The following MAST4 variants were observed in gnomAD, a reference collection of about 807,000 sequenced individuals.
MAST4 encodes microtubule-associated serine/threonine-protein kinase 4.
MAST4 carries 89 observed loss-of-function variants against 162.7 expected under a neutral mutation model. The observed-to-expected ratio is 0.55, with a 90% CI of 0.46 to 0.65. The LOEUF is 0.65. Among genes scored for constraint, MAST4 ranks in the 30% least tolerant of loss-of-function variants. The probability of loss-of-function intolerance (pLI) is 0.00; values close to 1 mark genes in which losing one functional copy is unlikely to be tolerated. For missense variants in MAST4, 3,153 were observed against 3,374.0 expected, an observed-to-expected ratio of 0.93 and a Z score of 1.62; for synonymous variants, 1,479 against 1,361.1, an observed-to-expected ratio of 1.09 and a Z score of -1.91.
At chr5:66,919,039 G>A (rs71626474) in intron 4 of MAST4, among the ~76,000 whole-genome samples, 4,896 of 150,754 alleles carry the variant, frequency 0.032, 146 homozygotes, top group African/African-American at 0.075. Context: ...GGAGGCGGAG[G>A]TTGCAGTGAG....
At chr5:66,967,248 C>T (rs1746846863) in intron 4 of MAST4, among the ~76,000 whole-genome samples, 1 of 152,040 alleles carries the variant, frequency 6.6e-6, no homozygotes, top group Non-Finnish European at 1.5e-5. Flanking sequence ...CTAAATATGA[C>T]AATGGAAGAT....
At chr5:66,951,423 T>C (rs997145805) in intron 4 of MAST4, among the ~76,000 whole-genome samples, 3 of 152,150 alleles carry the variant, frequency 2.0e-5, no homozygotes, top group Non-Finnish European at 4.4e-5. Context: ...ATCCCTCTTT[T>C]ATCTTATGGG....
intron 2 of MAST4, 24 bp from the exon 3 acceptor site, chr5:66,788,646 T>G: frequency 8.6e-7 from 1 of 1,167,512 alleles, no homozygotes; most frequent in Non-Finnish European, 1.2e-6. Context: ...GTCACTTACA[T>G]TTTCTTCTCT....
intron 4 of MAST4, among the ~76,000 whole-genome samples, chr5:66,994,046 T>G (rs1388963396): frequency 6.6e-6 from 1 of 151,510 alleles, no homozygotes. Flanking sequence ...TCAACTTTGT[T>G]TCATGGGAGA....
chr5:66,626,267 C>T (rs968878001), intron 1 of MAST4, among the ~76,000 whole-genome samples: 22 of 151,382 alleles, frequency 1.5e-4, no homozygotes, highest in African/African-American at 4.9e-4. Context: ...CATATACACA[C>T]GTGCACAAAT....
chr5:66,615,461 G>A (rs10056138), intron 1 of MAST4, among the ~76,000 whole-genome samples: 14,424 of 152,140 alleles, frequency 0.095, 821 homozygotes, highest in African/African-American at 0.15. Context: ...TGACATCCGA[G>A]GAATAGCTCT....
intron 4 of MAST4, among the ~76,000 whole-genome samples, chr5:67,053,378 G>GA (rs1758417296): frequency 6.6e-6 from 1 of 152,192 alleles, no homozygotes; most frequent in Non-Finnish European, 1.5e-5. Flanking sequence ...TGGTATAACA[G>GA]AGTTCTGTCC....
intron 4 of MAST4, among the ~76,000 whole-genome samples, chr5:67,010,564 C>A (rs1007976121): frequency 3.3e-5 from 5 of 152,104 alleles, no homozygotes; most frequent in African/African-American, 1.2e-4. Flanking sequence ...ACGGGACTTA[C>A]TATTAAGACC....
intron 4 of MAST4, among the ~76,000 whole-genome samples, chr5:67,018,119 A>G (rs1223371422): frequency 6.6e-6 from 1 of 152,208 alleles, no homozygotes. Flanking sequence ...TTTTATGAGG[A>G]AATGATTAAC....
chr5:66,741,436 T>C (rs1321700860), intron 1 of MAST4, among the ~76,000 whole-genome samples: 2 of 152,094 alleles, frequency 1.3e-5, no homozygotes, highest in South Asian at 2.1e-4. Flanking sequence ...AGATAGTAAA[T>C]ATTTTAGGCT....
chr5:66,799,628 G>T (rs1755819805), intron 3 of MAST4, among the ~76,000 whole-genome samples: 1 of 152,198 alleles, frequency 6.6e-6, no homozygotes, highest in Non-Finnish European at 1.5e-5. Context: ...TGTTATTGGA[G>T]AATTTCTTGG....
intron 1 of MAST4, among the ~76,000 whole-genome samples, chr5:66,625,736 C>G (rs1021076267): frequency 1.3e-5 from 2 of 152,114 alleles, no homozygotes; most frequent in Non-Finnish European, 2.9e-5. Flanking sequence ...ATGGAAATTC[C>G]TCAGAAGATT....
intron 1 of MAST4, among the ~76,000 whole-genome samples, chr5:66,757,564 C>T (rs986646109): frequency 2.2e-4 from 34 of 152,120 alleles, no homozygotes; most frequent in African/African-American, 8.0e-4. Flanking sequence ...TATAAGACTA[C>T]ATAGAATATA....
At chr5:66,963,982 C>G in intron 4 of MAST4, 1 of 702,242 alleles carries the variant, frequency 1.4e-6, no homozygotes, top group East Asian at 2.8e-5. Flanking sequence ...CTTGGTGTCT[C>G]TTGACTCATT....
chr5:66,629,658 T>C (rs992325731), intron 1 of MAST4, among the ~76,000 whole-genome samples: 1 of 152,196 alleles, frequency 6.6e-6, no homozygotes, highest in Non-Finnish European at 1.5e-5. Flanking sequence ...CTCTGAGATA[T>C]TGTCAGACCA....
intron 4 of MAST4, among the ~76,000 whole-genome samples, chr5:66,906,229 A>AG (rs1019647349): frequency 6.6e-6 from 1 of 152,170 alleles, no homozygotes; most frequent in African/African-American, 2.4e-5. Context: ...TCCAAAGGGA[A>AG]GGAGGGTATC....
chr5:66,988,255 A>G (rs956399508), intron 4 of MAST4, among the ~76,000 whole-genome samples: 17 of 152,286 alleles, frequency 1.1e-4, no homozygotes, highest in African/African-American at 3.6e-4. Context: ...TATCCTTAGC[A>G]TTGGGATTAC....
chr5:66,909,174 A>T (rs886578547), intron 4 of MAST4, among the ~76,000 whole-genome samples: 3 of 152,106 alleles, frequency 2.0e-5, no homozygotes, highest in Non-Finnish European at 2.9e-5. Flanking sequence ...GAGGTGTGAA[A>T]GGGGCAGTTG....
At chr5:67,124,314 C>G (rs1488710980) in intron 14 of MAST4, among the ~76,000 whole-genome samples, 2 of 152,244 alleles carry the variant, frequency 1.3e-5, no homozygotes, top group African/African-American at 2.4e-5. Context: ...AAATGTGGAG[C>G]CATATCAGTT....
Sources: gnomAD v4.1 joint callset for allele counts (sites outside exome capture counted in the v4.1 genomes callset) on GRCh38, gnomAD v4.1.1 for gene constraint, MANE v1.5 for transcripts, NCBI Gene and HGNC (gene_info 2026-07-23, HGNC 2026-07-21) for gene names.